The following LPXN variants were observed in gnomAD, a reference collection of about 807,000 sequenced individuals.
LPXN encodes the protein leupaxin.
LPXN carries 28 observed loss-of-function variants against 45.6 expected under a neutral mutation model. The ratio of observed to expected loss-of-function variants is 0.61; its 90% confidence interval spans 0.45 to 0.84. LPXN has a LOEUF of 0.84. Among genes scored for constraint, LPXN ranks in the 40% least tolerant of loss-of-function variants. LPXN has a pLI of 0.00. For synonymous variants in LPXN, 166 were observed against 169.9 expected, an observed-to-expected ratio of 0.98 and a Z score of 0.18; for missense variants, 459 against 475.0, an observed-to-expected ratio of 0.97 and a Z score of 0.31.
intron 3 of LPXN, among the ~76,000 whole-genome samples, chr11:58,562,283 G>A (rs537205494): frequency 6.6e-6 from 1 of 152,308 alleles, no homozygotes; most frequent in Admixed American, 6.5e-5. Flanking sequence ...TTGAAGGTAT[G>A]TTAAAAGCAA....
intron 7 of LPXN, among the ~76,000 whole-genome samples, chr11:58,532,486 C>A (rs1048400704): frequency 2.7e-4 from 41 of 152,192 alleles, no homozygotes; most frequent in South Asian, 2.1e-4. Flanking sequence ...GTGTCTGGCT[C>A]AGGGATTGTA....
chr11:58,545,999 G>A (rs1853866022), intron 7 of LPXN, among the ~76,000 whole-genome samples: 1 of 152,038 alleles, frequency 6.6e-6, no homozygotes, highest in South Asian at 2.1e-4. Flanking sequence ...CTAAACACAT[G>A]GGATTTTCTT....
intron 1 of LPXN, among the ~76,000 whole-genome samples, chr11:58,573,302 AAAAG>A (rs542547732): frequency 2.8e-3 from 423 of 152,084 alleles, no homozygotes; most frequent in Admixed American, 5.0e-3. Flanking sequence ...CTAAGGTAGA[AAAAG>A]AAAGAAAACT....
upstream of LPXN, chr11:58,578,146 A>T: frequency 2.1e-6 from 3 of 1,452,116 alleles, no homozygotes; most frequent in Non-Finnish European, 2.8e-6. Context: ...GCCAACGCCC[A>T]GATAAAAAGT....
chr11:58,570,109 G>A (rs1590587300), intron 2 of LPXN, among the ~76,000 whole-genome samples: 3 of 152,162 alleles, frequency 2.0e-5, no homozygotes, highest in Admixed American at 2.0e-4. Context: ...TTTGAGACCA[G>A]CCTGGCCAAC....
intron 3 of LPXN, among the ~76,000 whole-genome samples, chr11:58,560,736 T>C (rs771725202): frequency 2.6e-4 from 40 of 152,206 alleles, no homozygotes; most frequent in Non-Finnish European, 4.0e-4. Context: ...TTAAAAACTT[T>C]TTTGTACATA....
upstream of LPXN, chr11:58,578,313 A>G (rs1854974111): frequency 2.9e-6 from 1 of 339,154 alleles, no homozygotes; most frequent in African/African-American, 2.2e-5. Context: ...TCCCGTCGTG[A>G]CTCAGTTAGA....
intron 3 of LPXN, 147 bp downstream of exon 3, chr11:58,564,008 C>T: frequency 3.4e-6 from 2 of 593,736 alleles, no homozygotes; most frequent in East Asian, 3.0e-5. Context: ...CAGAATTCTA[C>T]CTATGCTCAA....
At chr11:58,574,333 T>C (rs900093031) in intron 1 of LPXN, among the ~76,000 whole-genome samples, 3 of 152,176 alleles carry the variant, frequency 2.0e-5, no homozygotes, top group Non-Finnish European at 2.9e-5. Flanking sequence ...GGAGAGCACC[T>C]TGTTGCTTAG....
chr11:58,544,705 G>C (rs1853827406), intron 7 of LPXN, among the ~76,000 whole-genome samples: 1 of 152,162 alleles, frequency 6.6e-6, no homozygotes, highest in African/African-American at 2.4e-5. Flanking sequence ...ATTACCTCTA[G>C]AGGAAGAATG....
At chr11:58,528,427 G>A (rs79475579) in intron 7 of LPXN, among the ~76,000 whole-genome samples, 22,660 of 152,194 alleles carry the variant, frequency 0.15, 1,880 homozygotes, top group Middle Eastern at 0.2. Context: ...TTGCTCCTCA[G>A]TGCCTTTGTA....
intron 7 of LPXN, among the ~76,000 whole-genome samples, chr11:58,544,017 G>C (rs1853809480): frequency 6.6e-6 from 1 of 151,970 alleles, no homozygotes; most frequent in Non-Finnish European, 1.5e-5. Context: ...TCTTTAAAAA[G>C]CAGACAATTT....
intron 4 of LPXN, among the ~76,000 whole-genome samples, chr11:58,552,105 G>A (rs1415206168): frequency 6.6e-6 from 1 of 152,158 alleles, no homozygotes; most frequent in Non-Finnish European, 1.5e-5. Context: ...CAGGAGTGAA[G>A]GAATCTGGAG....
At chr11:58,529,855 T>G (rs968441077) in intron 7 of LPXN, among the ~76,000 whole-genome samples, 3 of 152,136 alleles carry the variant, frequency 2.0e-5, no homozygotes, top group African/African-American at 7.2e-5. Context: ...TCATTGAGAC[T>G]GATCGGACAG....
intron 1 of LPXN, among the ~76,000 whole-genome samples, chr11:58,571,513 C>T (rs980680427): frequency 3.3e-5 from 5 of 151,796 alleles, no homozygotes; most frequent in Non-Finnish European, 4.4e-5. Context: ...ATCCTGAGCA[C>T]GTAACAAAAT....
chr11:58,573,876 G>A (rs1854793014), intron 1 of LPXN, among the ~76,000 whole-genome samples: 1 of 152,138 alleles, frequency 6.6e-6, no homozygotes. Flanking sequence ...TCATTCGGAG[G>A]CAGAATCTGC....
chr11:58,532,103 C>T lies in LPXN; in HGVS notation c.743-3912G>A, dbSNP rs533605596. Among the ~76,000 whole-genome samples, 12 of 152,390 alleles carry T rather than the reference C, an allele frequency of 7.9e-5. No individual in the cohort carries two copies. The East Asian group carries it at 1.9e-3, about 24-fold the overall frequency. ...GGATTAGCAACTGAGACAGCAGCTG[C>T]GGAGGGTGCACTGGGTCCCCTAGCA... On this transcript the variant is annotated intron_variant, in intron 7 of 8. Transcript: ENST00000395074.
upstream of LPXN, among the ~76,000 whole-genome samples, chr11:58,576,278 T>G (rs1305475520): frequency 6.6e-6 from 1 of 152,168 alleles, no homozygotes; most frequent in Non-Finnish European, 1.5e-5. Context: ...TGTTGTCTTA[T>G]TTATTCAGAA....
intron 3 of LPXN, among the ~76,000 whole-genome samples, chr11:58,561,600 C>G (rs1854379519): frequency 6.6e-6 from 1 of 152,226 alleles, no homozygotes. Context: ...AGGCAAATGC[C>G]TTGGGAATAC....
Sources: allele counts gnomAD v4.1 joint callset (sites outside exome capture counted in the v4.1 genomes callset), GRCh38; gene constraint gnomAD v4.1.1; transcripts MANE v1.5; gene names NCBI Gene and HGNC (gene_info 2026-07-23, HGNC 2026-07-21).